The following ACCSL variants were observed in gnomAD, a reference collection of about 807,000 sequenced individuals.
ACCSL encodes the protein 1-aminocyclopropane-1-carboxylate synthase homolog (inactive) like.
In ACCSL, 55 loss-of-function variants were observed where a neutral mutation model predicts 61.7. That is an observed-to-expected ratio of 0.89 (90% CI 0.72 to 1.12). The LOEUF is 1.12. Among genes scored for constraint, ACCSL ranks in the 50% most tolerant of loss-of-function variants. ACCSL has a pLI of 0.00. For synonymous variants in ACCSL, 258 were observed against 264.3 expected, an observed-to-expected ratio of 0.98 and a Z score of 0.23; for missense variants, 632 against 698.0, an observed-to-expected ratio of 0.91 and a Z score of 1.07.
chr11:43,969,253 C>T, the ACCSL span, among the ~76,000 whole-genome samples: 267 of 152,022 alleles, frequency 1.8e-3, 1 homozygote, highest in African/African-American at 6.1e-3. Flanking sequence ...CTCAGCTACT[C>T]GGGAAGCTGA....
the ACCSL span, among the ~76,000 whole-genome samples, chr11:43,996,143 C>T: frequency 6.6e-6 from 1 of 152,194 alleles, no homozygotes; most frequent in African/African-American, 2.4e-5. Flanking sequence ...TCACAGCCCT[C>T]AGAAGGGACC....
the ACCSL span, chr11:43,943,172 C>G: frequency 6.6e-7 from 1 of 1,507,290 alleles, no homozygotes; most frequent in Non-Finnish European, 8.9e-7. This position sits in a 1 kb window ranked among gnomAD's most constrained non-coding sequence, Gnocchi z 4.8. Flanking sequence ...CCTGGAGTGC[C>G]TGCGCCGCAG....
chr11:43,926,622 CTTGGCAAAAT>C, the ACCSL span: 1 of 307,562 alleles, frequency 3.3e-6, no homozygotes. Flanking sequence ...TTCTATTTTC[CTTGGCAAAAT>C]TAGTTTTTTC....
the ACCSL span, among the ~76,000 whole-genome samples, chr11:44,027,994 A>G: frequency 1.3e-5 from 2 of 152,248 alleles, no homozygotes; most frequent in South Asian, 2.1e-4. Flanking sequence ...GTGAAACTCT[A>G]TCTCTACAAG....
At chr11:43,980,321 A>G in the ACCSL span, among the ~76,000 whole-genome samples, 2 of 152,228 alleles carry the variant, frequency 1.3e-5, no homozygotes, top group East Asian at 3.8e-4. Flanking sequence ...CTCATAAGTA[A>G]TCTGTGAATT....
the ACCSL span, among the ~76,000 whole-genome samples, chr11:43,997,216 A>C: frequency 6.6e-6 from 1 of 151,856 alleles, no homozygotes; most frequent in African/African-American, 2.4e-5. Flanking sequence ...GGAGGCGTGG[A>C]CCAACATGTA....
chr11:44,059,751 T>C (rs1952696052), intron 13 of ACCSL, 87 bp from the exon 14 acceptor site: 1 of 1,082,272 alleles, frequency 9.2e-7, no homozygotes, highest in Non-Finnish European at 1.4e-6. Flanking sequence ...GAGGCTTTTA[T>C]GGTTGACCAT....
chr11:44,049,761 A>AG (rs1952624236), intron 1 of ACCSL, among the ~76,000 whole-genome samples: 1 of 152,232 alleles, frequency 6.6e-6, no homozygotes, highest in South Asian at 2.1e-4. Context: ...ACTGGATTAT[A>AG]TAGAACCTTC....
chr11:43,991,880 A>C, the ACCSL span, among the ~76,000 whole-genome samples: 1 of 151,936 alleles, frequency 6.6e-6, no homozygotes, highest in Non-Finnish European at 1.5e-5. Context: ...GGCCACCCCA[A>C]GTGTCTCATT....
chr11:43,998,349 C>T, the ACCSL span, among the ~76,000 whole-genome samples: 3 of 152,170 alleles, frequency 2.0e-5, no homozygotes, highest in African/African-American at 7.2e-5. Flanking sequence ...TCTTCATCCC[C>T]TTTCTTTTCA....
In ACCSL at chr11:44,051,727, A is replaced by G. The variant is rs1443401900; in HGVS notation, c.772+8A>G. 6.2e-7 allele frequency: 1 copy of G among 1,613,944 alleles called. No homozygotes were observed. Among genetic ancestry groups the G allele is most frequent in the Non-Finnish European group, 8.5e-7 (1 of 1,180,020 alleles). ...TTCTGTGTGATCCAGGCGGTAAGTC[A>G]GTGGGCTCTCCTTTCACTCTCAGTG... is the stretch of plus-strand genomic sequence containing the variant. On this transcript the variant is annotated splice_region_variant and intron_variant, in intron 5 of 13. Transcript: ENST00000378832.
the ACCSL span, among the ~76,000 whole-genome samples, chr11:44,040,413 C>T: frequency 6.6e-6 from 1 of 152,120 alleles, no homozygotes; most frequent in African/African-American, 2.4e-5. Context: ...CCTGGGTGGG[C>T]GTTGCAAAGC....
chr11:43,980,826 C>T, the ACCSL span, among the ~76,000 whole-genome samples: 9 of 151,558 alleles, frequency 5.9e-5, no homozygotes, highest in South Asian at 1.9e-3. Flanking sequence ...ATTCAATCCT[C>T]ACCTCCAACT....
chr11:43,921,400 G>A, the ACCSL span, among the ~76,000 whole-genome samples: 7 of 152,164 alleles, frequency 4.6e-5, no homozygotes, highest in African/African-American at 7.2e-5. Context: ...AGCACGGCTT[G>A]TTTCTCTAAG....
the ACCSL span, among the ~76,000 whole-genome samples, chr11:44,004,136 T>C: frequency 6.7e-6 from 1 of 148,930 alleles, no homozygotes; most frequent in African/African-American, 2.5e-5. Flanking sequence ...GGGCTGAGTC[T>C]GCATGTGGAA....
chr11:43,983,335 A>G, the ACCSL span, among the ~76,000 whole-genome samples: 2 of 152,204 alleles, frequency 1.3e-5, no homozygotes, highest in Non-Finnish European at 2.9e-5. Flanking sequence ...ATTAAGGAAA[A>G]AGAATTATTT....
At chr11:44,016,538 C>T in the ACCSL span, among the ~76,000 whole-genome samples, 2 of 152,106 alleles carry the variant, frequency 1.3e-5, no homozygotes, top group Admixed American at 1.3e-4. Context: ...ATCTTGATCA[C>T]TCAAAAATAG....
At chr11:43,948,959 T>G in the ACCSL span, among the ~76,000 whole-genome samples, 1 of 152,206 alleles carries the variant, frequency 6.6e-6, no homozygotes, top group East Asian at 1.9e-4. Context: ...GCTTGGGAGA[T>G]ATGAGATTTC....
In ACCSL at chr11:44,048,289, G is replaced by A. The variant is rs201522650; in HGVS notation, c.253G>A (p.Gly85Arg). The A allele has an allele frequency of 1.1e-3, 1,776 of 1,614,100 alleles. 42 individuals carry two copies. The South Asian group carries it at 0.018, about 17-fold the overall frequency. ...CCGGATGATCAACCTCCTACAGTCT[G>A]GGGCCGCGAGTGGCCTGGAGCTCCA... ...ICRMINLLQS[G>R]AASGLELQVP... The change falls in exon 1 of 14, where the codon GGG becomes AGG. Residue 85 changes from glycine (G) to arginine (R), a missense_variant. By Grantham distance (125) the Gly-to-Arg change is moderately radical (BLOSUM62 -2). Transcript: ENST00000378832.
Sources: allele counts gnomAD v4.1 joint callset (sites outside exome capture counted in the v4.1 genomes callset), GRCh38; gene constraint gnomAD v4.1.1; non-coding constraint Gnocchi (gnomAD v3.1); transcripts MANE v1.5; gene names NCBI Gene and HGNC (gene_info 2026-07-23, HGNC 2026-07-21).